TAF1B: variants seen among roughly 807,000 people sequenced by gnomAD.
TAF1B encodes TATA box-binding protein-associated factor RNA polymerase I subunit B.
Under a neutral mutation model 83.9 loss-of-function variants are expected in TAF1B, and 61 were observed. That is an observed-to-expected ratio of 0.73 (90% confidence interval 0.59 to 0.90). The LOEUF (loss-of-function observed/expected upper bound fraction) is 0.90, where lower values mean the gene tolerates loss of function less well. Ranked by LOEUF, TAF1B falls within the 40% of genes least tolerant of loss-of-function variation. The pLI is 0.00. For missense variants in TAF1B, 625 were observed against 677.0 expected, an observed-to-expected ratio of 0.92 and a Z score of 0.85; for synonymous variants, 221 against 224.6, an observed-to-expected ratio of 0.98 and a Z score of 0.14.
rs541487555 is a variant in TAF1B at position 9,921,139 on chromosome 2, T to C, written c.1565+1319T>C. On this transcript the variant is annotated intron_variant, in intron 14 of 14. Transcript: ENST00000263663. ...TGAGGTCTTGCTGTGTCACCCAAGC[T>C]GGAGTACAGTGGCACGATAATGGCT... is the stretch of plus-strand genomic sequence containing the variant. Among the ~76,000 whole-genome samples, 5 of 152,332 alleles carry C rather than the reference T, an allele frequency of 3.3e-5. No homozygotes were observed. The South Asian group carries it at 1.0e-3, about 32-fold the overall frequency.
At chr2:9,881,845 G>A (rs1358757280) in intron 7 of TAF1B, among the ~76,000 whole-genome samples, 2 of 152,280 alleles carry the variant, frequency 1.3e-5, no homozygotes, top group Non-Finnish European at 2.9e-5. Context: ...GCATTGGGGT[G>A]GAGTGGTGAG....
chr2:9,905,906 A>G (rs990306626), intron 9 of TAF1B, among the ~76,000 whole-genome samples: 1 of 152,214 alleles, frequency 6.6e-6, no homozygotes, highest in African/African-American at 2.4e-5. Flanking sequence ...AATTTTTCAA[A>G]TGTAACATTT....
chr2:9,854,761 T>A (rs962108710), intron 5 of TAF1B, among the ~76,000 whole-genome samples: 5 of 152,220 alleles, frequency 3.3e-5, no homozygotes, highest in African/African-American at 4.8e-5. Flanking sequence ...TTATTCTGTT[T>A]GCTTGGAATA....
chr2:9,884,244 G>A, intron 8 of TAF1B, among the ~76,000 whole-genome samples: 1 of 152,228 alleles, frequency 6.6e-6, no homozygotes, highest in East Asian at 1.9e-4. Context: ...GCTTGGAGAT[G>A]CCAGGAACCA....
chr2:9,931,307 G>A (rs12623372), intron 14 of TAF1B, among the ~76,000 whole-genome samples: 26,995 of 152,120 alleles, frequency 0.18, 3,019 homozygotes, highest in East Asian at 0.31. Flanking sequence ...GGCTGATACC[G>A]GTTGCTCCTT....
chr2:9,911,495 T>TTATTGTTATCTCCAGGTCTTTGTC lies in TAF1B; in HGVS notation c.1134-13_1144dup, dbSNP rs1665532378. 6.7e-7 allele frequency: 1 copy of TTATTGTTATCTCCAGGTCTTTGTC among 1,502,732 alleles called. No individual in the cohort carries two copies. The highest frequency in any genetic ancestry group is 1.4e-5 in the African/African-American group (1 of 69,972). The allele number at this position is 1,502,732 out of a possible 1,614,324, so 93.1% of individuals were successfully genotyped here. On this transcript the variant is annotated splice_polypyrimidine_tract_variant and intron_variant, in intron 10 of 14. Transcript: ENST00000263663. ...ATGACTTCTAAATAAATTGATTTGTTTATTGTTATCTCCAGGTCTTTGTCT... is the reference window on the plus strand; with the variant it reads ...ATGACTTCTAAATAAATTGATTTGTTTATTGTTATCTCCAGGTCTTTGTCTATTGTTATCTCCAGGTCTTTGTCT...
At chr2:9,919,413 G>A (rs887518999) in intron 13 of TAF1B, among the ~76,000 whole-genome samples, 185 bp from the exon 14 acceptor site, 3 of 152,154 alleles carry the variant, frequency 2.0e-5, no homozygotes, top group Admixed American at 1.3e-4. Flanking sequence ...TCTTTTTGAA[G>A]TAAGGTTTCC....
intron 4 of TAF1B, among the ~76,000 whole-genome samples, chr2:9,853,157 C>T (rs544835466): frequency 6.6e-6 from 1 of 152,208 alleles, no homozygotes; most frequent in South Asian, 2.1e-4. Context: ...GGGTTTGTTC[C>T]TATGTAGCTT....
chr2:9,919,865 A>G (rs2125179141), intron 14 of TAF1B, 45 bp downstream of exon 14: 1 of 1,548,604 alleles, frequency 6.5e-7, no homozygotes, highest in Middle Eastern at 1.7e-4. Context: ...GAAGTAGTTG[A>G]CTGTATAAGA....
At chr2:9,919,488 T>C in intron 13 of TAF1B, 110 bp from the exon 14 acceptor site, 1 of 909,704 alleles carries the variant, frequency 1.1e-6, no homozygotes, top group Non-Finnish European at 1.7e-6. Flanking sequence ...GTGGTACATC[T>C]GCGAAAACTA....
chr2:9,884,181 G>A (rs1323851913), intron 8 of TAF1B, among the ~76,000 whole-genome samples: 4 of 152,220 alleles, frequency 2.6e-5, no homozygotes, highest in Admixed American at 6.5e-5. Context: ...CGGACCAGTC[G>A]CGCTGCAAGC....
chr2:9,908,339 G>A (rs1450719912), intron 9 of TAF1B, among the ~76,000 whole-genome samples: 2 of 152,008 alleles, frequency 1.3e-5, no homozygotes, highest in African/African-American at 4.8e-5. Flanking sequence ...GAGCCACCAC[G>A]CCTGGCCAAG....
At chr2:9,909,292 T>A (rs558959320) in intron 9 of TAF1B, among the ~76,000 whole-genome samples, 38 of 152,334 alleles carry the variant, frequency 2.5e-4, no homozygotes, top group African/African-American at 8.7e-4. Flanking sequence ...AATAGAAGGG[T>A]ACATGCCAGG....
intron 6 of TAF1B, among the ~76,000 whole-genome samples, chr2:9,869,123 A>G (rs573144695): frequency 6.6e-6 from 1 of 152,348 alleles, no homozygotes; most frequent in South Asian, 2.1e-4. Flanking sequence ...TGACTGTAAA[A>G]CCATCGAACC....
At chr2:9,884,105 C>A (rs954843442) in intron 8 of TAF1B, among the ~76,000 whole-genome samples, 5 of 152,224 alleles carry the variant, frequency 3.3e-5, no homozygotes, top group African/African-American at 1.2e-4. Flanking sequence ...AGATATGCCA[C>A]CTGCTGCAGC....
At chr2:9,849,325 G>T in intron 2 of TAF1B, 48 bp from the exon 3 acceptor site, 2 of 1,393,206 alleles carry the variant, frequency 1.4e-6, no homozygotes, top group Non-Finnish European at 2.0e-6. Flanking sequence ...AAATGCTTAG[G>T]GGGATGTAAA....
intron 2 of TAF1B, among the ~76,000 whole-genome samples, chr2:9,848,603 T>G (rs532470474): frequency 6.6e-6 from 1 of 151,936 alleles, no homozygotes; most frequent in African/African-American, 2.4e-5. Flanking sequence ...GAGGCAAAGG[T>G]TGAAGTGAGC....
Position 9,919,802 on chromosome 2 carries a change from C to T in TAF1B, c.1547C>T (p.Thr516Ile), listed in dbSNP as rs1397477949. 6.2e-7 allele frequency: 1 copy of T among 1,613,852 alleles called. No individual in the cohort carries two copies. The highest frequency in any genetic ancestry group is 8.5e-7 in the Non-Finnish European group (1 of 1,179,854). The change falls in exon 14 of 15, where the codon ACA becomes ATA. Residue 516 changes from threonine to isoleucine, a missense_variant. Thr to Ile is a moderately conservative substitution (Grantham distance 89). Transcript: ENST00000263663. ...AAGAATTCATTATATTGGCTTAGTA[C>T]ACAGAAATTCTGCAGATGGTAATAA... ...LTKNSLYWLS[T>I]QKFCRCYCTH...
chr2:9,905,244 T>C (rs1665306280), intron 9 of TAF1B, among the ~76,000 whole-genome samples: 2 of 152,222 alleles, frequency 1.3e-5, no homozygotes, highest in South Asian at 2.1e-4. Flanking sequence ...GAGGGATTTA[T>C]GCTTGAGAGA....
Sources: allele counts gnomAD v4.1 joint callset (sites outside exome capture counted in the v4.1 genomes callset), GRCh38; gene constraint gnomAD v4.1.1; transcripts MANE v1.5; gene names NCBI Gene and HGNC (gene_info 2026-07-23, HGNC 2026-07-21).